Variants in EXOC4 observed in about 807,000 individuals in gnomAD.
The protein encoded by EXOC4 is exocyst complex component 4.
Under a neutral mutation model 107.2 loss-of-function variants are expected in EXOC4, and 71 were observed. The observed-to-expected ratio is 0.66, with a 90% confidence interval of 0.55 to 0.81. EXOC4 has a LOEUF of 0.81. EXOC4 is among the 30% of genes least tolerant of loss of function. EXOC4 has a pLI of 0.00. For synonymous variants in EXOC4, 456 were observed against 441.2 expected (o/e 1.03, Z -0.42); for missense variants, 1,108 against 1,189.6 (o/e 0.93, Z 1.01).
At position 133,409,512 on chromosome 7, in the gene EXOC4, G is replaced by A. The variant is rs111481047; in HGVS notation, c.1182+34510G>A. ...GTTTCCAAAAATGGCCAGAGGAGTT[G>A]ATTTGCTTTTGTTTCCATGAGTATT... On this transcript the variant is annotated intron_variant, in intron 7 of 17. Transcript: ENST00000253861. 3.6e-3 allele frequency among the ~76,000 whole-genome samples: 547 copies of A among 152,258 alleles called. 5 individuals carry two copies. The highest frequency in any genetic ancestry group is 0.012 in the African/African-American group (510 of 41,546).
chr7:133,664,578 T>C (rs1793771445), intron 10 of EXOC4, among the ~76,000 whole-genome samples: 1 of 152,098 alleles, frequency 6.6e-6, no homozygotes, highest in African/African-American at 2.4e-5. Context: ...GAAACACATA[T>C]TACCATCTCC....
At chr7:133,507,933 T>C (rs1052396235) in intron 9 of EXOC4, among the ~76,000 whole-genome samples, 19 of 152,036 alleles carry the variant, frequency 1.2e-4, no homozygotes, top group African/African-American at 4.3e-4. Flanking sequence ...TGGTAGTGCA[T>C]GCCTGTAATC....
At chr7:133,694,203 G>A (rs944187288) in intron 10 of EXOC4, among the ~76,000 whole-genome samples, 2 of 149,542 alleles carry the variant, frequency 1.3e-5, no homozygotes, top group African/African-American at 4.9e-5. Flanking sequence ...AGAGATTACA[G>A]TGAGCCGAGA....
chr7:133,614,679 A>G (rs1802147426), intron 9 of EXOC4, among the ~76,000 whole-genome samples: 1 of 151,748 alleles, frequency 6.6e-6, no homozygotes, highest in Non-Finnish European at 1.5e-5. Flanking sequence ...AAAACCACCA[A>G]ACCCAAAGTG....
chr7:133,830,667 A>G (rs981201338), intron 11 of EXOC4, among the ~76,000 whole-genome samples: 1 of 152,218 alleles, frequency 6.6e-6, no homozygotes, highest in African/African-American at 2.4e-5. Context: ...TTGCAAAGAC[A>G]GTACAAAGAG....
At position 133,964,997 on chromosome 7, in the gene EXOC4, T is replaced by G. The variant is rs1052523696; in HGVS notation, c.2206+26928T>G. Among the ~76,000 whole-genome samples the G allele has an allele frequency of 3.3e-5, 5 of 152,202 alleles. No homozygotes were observed. In the East Asian group the frequency reaches 9.6e-4, roughly 29 times the overall value. Reference sequence around the variant, plus strand: ...CACATCCCCTCCAGCATCTGTTGTTTCCTGACTTTTTAATGATTGCCATTG... The same window carrying G: ...CACATCCCCTCCAGCATCTGTTGTTGCCTGACTTTTTAATGATTGCCATTG... On this transcript the variant is annotated intron_variant, in intron 14 of 17. Coordinates refer to ENST00000253861, the MANE Select transcript of EXOC4 (RefSeq NM_021807.4).
At chr7:133,521,787 T>C (rs1032613186) in intron 9 of EXOC4, among the ~76,000 whole-genome samples, 3 of 151,898 alleles carry the variant, frequency 2.0e-5, no homozygotes, top group African/African-American at 7.3e-5. Context: ...GCCCGGCTAA[T>C]TTTTTGTATT....
chr7:134,049,756 A>G (rs1267437895), intron 17 of EXOC4, among the ~76,000 whole-genome samples: 2 of 152,192 alleles, frequency 1.3e-5, no homozygotes, highest in Non-Finnish European at 2.9e-5. Flanking sequence ...CTCTGCATCC[A>G]CAGTATCTAC....
intron 14 of EXOC4, among the ~76,000 whole-genome samples, chr7:133,939,307 A>T (rs1470406168): frequency 6.6e-6 from 1 of 152,126 alleles, no homozygotes; most frequent in African/African-American, 2.4e-5. Context: ...GATTAAATTC[A>T]CAGAGTAAAT....
intron 17 of EXOC4, among the ~76,000 whole-genome samples, chr7:134,037,961 A>C (rs1311625378): frequency 6.6e-6 from 1 of 152,146 alleles, no homozygotes; most frequent in Non-Finnish European, 1.5e-5. Flanking sequence ...GAGTTTTTTC[A>C]AAATGCCTAG....
intron 5 of EXOC4, among the ~76,000 whole-genome samples, chr7:133,347,364 C>T (rs887131316): frequency 6.6e-6 from 1 of 151,918 alleles, no homozygotes; most frequent in African/African-American, 2.4e-5. Context: ...CTGCCTCAAC[C>T]TCCCGAGTAG....
At chr7:133,294,091 G>C (rs1187577745) in intron 3 of EXOC4, among the ~76,000 whole-genome samples, 1 of 152,110 alleles carries the variant, frequency 6.6e-6, no homozygotes, top group Non-Finnish European at 1.5e-5. Flanking sequence ...GTCTTGAAAA[G>C]ACGGCTGAAG....
At chr7:133,832,623 G>A (rs540282511) in intron 11 of EXOC4, among the ~76,000 whole-genome samples, 16 of 152,182 alleles carry the variant, frequency 1.1e-4, no homozygotes, top group African/African-American at 3.1e-4. Flanking sequence ...GGCTTTTCAC[G>A]ACTTGATAAC....
At chr7:133,268,402 T>C (rs1250243629) in intron 1 of EXOC4, among the ~76,000 whole-genome samples, 2 of 152,188 alleles carry the variant, frequency 1.3e-5, no homozygotes, top group Non-Finnish European at 2.9e-5. Flanking sequence ...TCCACTTGAG[T>C]GATGAATCAC....
At chr7:134,052,351 T>C (rs753693389) in intron 17 of EXOC4, among the ~76,000 whole-genome samples, 2 of 151,616 alleles carry the variant, frequency 1.3e-5, no homozygotes, top group African/African-American at 2.4e-5. Context: ...GAGTTAAAAA[T>C]AAAACAAAAA....
Position 133,514,099 on chromosome 7 carries a change from T to C in EXOC4, c.1417+33961T>C, listed in dbSNP as rs10256501. Among the ~76,000 whole-genome samples the C allele has an allele frequency of 2.9e-3, 448 of 152,314 alleles. 4 individuals are homozygous for C. The highest frequency in any genetic ancestry group is 0.01 in the African/African-American group (424 of 41,574). Reference sequence around the variant, plus strand: ...TATTAATGGTATTGATAATATTTTATTTCTATTGTGTAATCAATTTGATTA... The same window carrying C: ...TATTAATGGTATTGATAATATTTTACTTCTATTGTGTAATCAATTTGATTA... On this transcript the variant is annotated intron_variant, in intron 9 of 17. Transcript: ENST00000253861.
At chr7:133,313,838 C>G (rs1487479890) in intron 4 of EXOC4, among the ~76,000 whole-genome samples, 1 of 152,070 alleles carries the variant, frequency 6.6e-6, no homozygotes, top group African/African-American at 2.4e-5. Flanking sequence ...TGTCCTCTAC[C>G]ATGTTGCTAT....
intron 11 of EXOC4, among the ~76,000 whole-genome samples, chr7:133,878,967 C>T (rs1193497391): frequency 8.5e-5 from 13 of 152,156 alleles, no homozygotes. Context: ...TCAGGTCATC[C>T]ACCTGCCTTG....
chr7:133,900,117 T>C (rs1177748670), intron 12 of EXOC4, among the ~76,000 whole-genome samples: 1 of 152,166 alleles, frequency 6.6e-6, no homozygotes, highest in Admixed American at 6.6e-5. Context: ...TCATTGCATT[T>C]GTCAGGTATT....
Sources: gnomAD v4.1 joint callset for allele counts (sites outside exome capture counted in the v4.1 genomes callset) on GRCh38, gnomAD v4.1.1 for gene constraint, MANE v1.5 for transcripts, NCBI Gene and HGNC (gene_info 2026-07-23, HGNC 2026-07-21) for gene names.